The following COL28A1 variants were observed in gnomAD, a reference collection of about 807,000 sequenced individuals.
COL28A1 encodes the protein collagen alpha-1(XXVIII) chain.
COL28A1 carries 161 observed loss-of-function variants against 150.2 expected under a neutral mutation model. The ratio of observed to expected loss-of-function variants is 1.07; its 90% CI spans 0.94 to 1.22. The LOEUF (loss-of-function observed/expected upper bound fraction) is 1.22. COL28A1 is among the 50% of genes most tolerant of loss of function. The pLI, the probability that COL28A1 is intolerant of heterozygous loss-of-function variation, is 0.00. For missense variants in COL28A1, 1,617 were observed against 1,388.3 expected (o/e 1.16, Z -2.62); for synonymous variants, 552 against 469.7 (o/e 1.18, Z -2.26).
intron 33 of COL28A1, among the ~76,000 whole-genome samples, chr7:7,363,801 T>C (rs571181495): frequency 2.6e-5 from 4 of 152,234 alleles, no homozygotes; most frequent in South Asian, 4.1e-4. Context: ...TAACATTTAT[T>C]ATTATTATTT....
chr7:7,438,065 T>C (rs1389148811), intron 21 of COL28A1, among the ~76,000 whole-genome samples: 3 of 149,372 alleles, frequency 2.0e-5, no homozygotes, highest in African/African-American at 7.4e-5. Flanking sequence ...CAAAACCCCA[T>C]CGCTACTAAA....
At chr7:7,427,077 TAAGA>T (rs764922726) in intron 25 of COL28A1, among the ~76,000 whole-genome samples, 3 of 152,252 alleles carry the variant, frequency 2.0e-5, no homozygotes, top group South Asian at 2.1e-4. Context: ...TACATACTCA[TAAGA>T]AGAGAAATAC....
chr7:7,452,098 A>G (rs910095486), intron 18 of COL28A1, among the ~76,000 whole-genome samples: 1 of 152,228 alleles, frequency 6.6e-6, no homozygotes, highest in African/African-American at 2.4e-5. Flanking sequence ...ACCCTAGTGG[A>G]GTATATATTT....
At chr7:7,523,525 A>G (rs555154925) in intron 4 of COL28A1, among the ~76,000 whole-genome samples, 8 of 152,240 alleles carry the variant, frequency 5.3e-5, no homozygotes, top group African/African-American at 1.9e-4. Context: ...ATTCAATAAA[A>G]CATGGTGTGA....
rs971434386 is a variant in COL28A1 at position 7,425,957 on chromosome 7, C to T, written c.1999-6004G>A. 3.9e-5 allele frequency among the ~76,000 whole-genome samples: 6 copies of T among 152,202 alleles called. No homozygotes were observed. The East Asian group carries it at 1.2e-3, about 29-fold the overall frequency. ...TCAGCCCATTAGATTATTTTCCTCC[C>T]CCTTACTCCCCCACACACTAATGAG... On this transcript the variant is annotated intron_variant, in intron 25 of 34. Transcript: ENST00000399429.
rs201745769 is a variant in COL28A1 at position 7,509,647 on chromosome 7, TG to T, written c.927+1443del. Among the ~76,000 whole-genome samples the T allele has an allele frequency of 4.5e-3, 687 of 152,182 alleles. 5 individuals are homozygous for T. Among genetic ancestry groups the T allele is most frequent in the East Asian group, 0.022 (114 of 5,190 alleles). ...ATAATTGGCAGTGGGTTTTTTTTGT[TG>T]TTGTTATTCCTTTTTGGTATGGAAA... On this transcript the variant is annotated intron_variant, in intron 9 of 34. Transcript: ENST00000399429.
At chr7:7,501,063 T>C (rs929873237) in intron 11 of COL28A1, among the ~76,000 whole-genome samples, 1 of 152,224 alleles carries the variant, frequency 6.6e-6, no homozygotes, top group Non-Finnish European at 1.5e-5. Context: ...GCCAGTCTAG[T>C]GCTATTTCTC....
At chr7:7,475,682 T>C (rs921512474) in intron 14 of COL28A1, among the ~76,000 whole-genome samples, 1 of 152,184 alleles carries the variant, frequency 6.6e-6, no homozygotes, top group Non-Finnish European at 1.5e-5. Context: ...AACACAGATT[T>C]TAAAGAGAAA....
intron 27 of COL28A1, among the ~76,000 whole-genome samples, chr7:7,400,992 GT>G (rs1230536260): frequency 6.8e-6 from 1 of 146,134 alleles, no homozygotes; most frequent in Non-Finnish European, 1.5e-5. Context: ...GTGTGTGTGT[GT>G]GTGTGTGTGT....
intron 16 of COL28A1, among the ~76,000 whole-genome samples, chr7:7,453,814 T>C (rs1210454083): frequency 1.4e-5 from 2 of 138,144 alleles, no homozygotes; most frequent in Non-Finnish European, 2.9e-5. Flanking sequence ...GTGATGTGTG[T>C]AACTCCTGGT....
At position 7,373,507 on chromosome 7, in the gene COL28A1, A is replaced by T; in HGVS notation, c.2399T>A (p.Val800Glu). ...GCTTTCTGAGCTGTCGATCACAAAC[A>T]CCAGCTCTAGTGGAGTCTCTTTGCA... ...PKCKETPLEL[V>E]FVIDSSESVG... is the part of the protein sequence containing the mutation. Residue 800 changes from valine (V) to glutamate (E), a missense_variant, in exon 32 of 35, where the codon GTG becomes GAG. Coordinates refer to ENST00000399429, the MANE Select transcript of COL28A1 (RefSeq NM_001037763.3). This position sits in a 1 kb window ranked among gnomAD's most constrained non-coding sequence, Gnocchi z 4.1. 6.2e-7 allele frequency: 1 copy of T among 1,613,778 alleles called. No homozygotes were observed. The highest frequency in any genetic ancestry group is 8.5e-7 in the Non-Finnish European group (1 of 1,179,984).
intron 8 of COL28A1, among the ~76,000 whole-genome samples, chr7:7,512,158 A>G (rs1323855001): frequency 6.6e-6 from 1 of 152,202 alleles, no homozygotes; most frequent in African/African-American, 2.4e-5. Context: ...TGTGAGATCT[A>G]AAAAATTTGA....
intron 25 of COL28A1, among the ~76,000 whole-genome samples, chr7:7,426,375 A>G (rs922241384): frequency 5.9e-5 from 9 of 152,204 alleles, no homozygotes; most frequent in African/African-American, 2.2e-4. Context: ...GGACCTCTAG[A>G]ATACCTCACT....
the COL28A1 span, among the ~76,000 whole-genome samples, chr7:7,348,082 TTCTGA>T: frequency 6.6e-6 from 1 of 152,192 alleles, no homozygotes; most frequent in East Asian, 1.9e-4. Context: ...TTTGAGAGAT[TTCTGA>T]GGTCTAATTG....
chr7:7,529,509 C>T (rs1234801591), intron 3 of COL28A1, among the ~76,000 whole-genome samples: 1 of 152,158 alleles, frequency 6.6e-6, no homozygotes, highest in Middle Eastern at 3.4e-3. Flanking sequence ...CTGAAGTCGC[C>T]GGATGCTAAG....
In COL28A1 at chr7:7,531,544, C is replaced by A. The variant is rs375359721; in HGVS notation, c.485G>T (p.Gly162Val). The A allele has an allele frequency of 1.2e-6, 2 of 1,609,222 alleles. No homozygotes were observed. The highest frequency in any genetic ancestry group is 1.7e-6 in the Non-Finnish European group (2 of 1,175,732). ...ATCTGGATTCTTTGGATGGTCGATGCCATCAGTCATCAGCAAAACCACTTT... is the reference window on the plus strand; with the variant it reads ...ATCTGGATTCTTTGGATGGTCGATGACATCAGTCATCAGCAAAACCACTTT... ...GVKVVLLMTD[G>V]IDHPKNPDVQ... The change falls in exon 3 of 35, where the codon GGC becomes GTC. Residue 162 changes from glycine (G) to valine (V), a missense_variant. Gly to Val is a moderately radical substitution (Grantham distance 109, BLOSUM62 -3). Transcript: ENST00000399429.
chr7:7,509,077 G>T (rs1002224848), intron 9 of COL28A1, among the ~76,000 whole-genome samples: 2 of 151,794 alleles, frequency 1.3e-5, no homozygotes, highest in Admixed American at 1.3e-4. Context: ...CTGATGACCT[G>T]CCCACCTTGG....
intron 18 of COL28A1, among the ~76,000 whole-genome samples, chr7:7,448,281 G>A (rs1043703582): frequency 6.6e-6 from 1 of 152,012 alleles, no homozygotes; most frequent in African/African-American, 2.4e-5. Flanking sequence ...ATGATGTACA[G>A]GAAATCTCAA....
intron 16 of COL28A1, 63 bp downstream of exon 16, chr7:7,455,981 A>G (rs1370087376): frequency 6.2e-6 from 10 of 1,603,140 alleles, no homozygotes; most frequent in South Asian, 3.4e-5. Context: ...CTGGCCTTCA[A>G]TGAAGACCAG....
Sources: allele counts gnomAD v4.1 joint callset (sites outside exome capture counted in the v4.1 genomes callset), GRCh38; gene constraint gnomAD v4.1.1; non-coding constraint Gnocchi (gnomAD v3.1); transcripts MANE v1.5; gene names NCBI Gene and HGNC (gene_info 2026-07-23, HGNC 2026-07-21).